XRCC4: variants seen among roughly 807,000 people sequenced by gnomAD.
The protein encoded by XRCC4 is X-ray repair cross complementing 4.
A neutral mutation model predicts 39.1 loss-of-function variants in XRCC4; 28 were observed. The observed-to-expected ratio is 0.72, with a 90% CI of 0.53 to 0.98. The LOEUF (loss-of-function observed/expected upper bound fraction) is 0.98. Ranked by LOEUF, XRCC4 falls within the 50% of genes least tolerant of loss-of-function variation. The probability of loss-of-function intolerance (pLI) is 0.00; values close to 1 mark genes in which losing one functional copy is unlikely to be tolerated. For missense variants in XRCC4, 350 were observed against 376.4 expected (o/e 0.93, Z 0.58); for synonymous variants, 123 against 126.4 (o/e 0.97, Z 0.18).
At chr5:83,142,813 A>G (rs770738213) in intron 3 of XRCC4, among the ~76,000 whole-genome samples, 8 of 152,226 alleles carry the variant, frequency 5.3e-5, no homozygotes, top group African/African-American at 9.7e-5. Flanking sequence ...TAAAATTATT[A>G]AGAGATCTCA....
At chr5:83,112,727 G>A (rs1012606938) in intron 3 of XRCC4, among the ~76,000 whole-genome samples, 4 of 152,074 alleles carry the variant, frequency 2.6e-5, no homozygotes, top group Non-Finnish European at 5.9e-5. Flanking sequence ...CATGGTGGCA[G>A]GCAAAAGAAC....
chr5:83,213,429 T>C lies in XRCC4; in HGVS notation c.745+8508T>C, dbSNP rs113502107. Among the ~76,000 whole-genome samples, 1,400 of 152,198 alleles carry C rather than the reference T, an allele frequency of 9.2e-3. 18 individuals carry two copies. The highest frequency in any genetic ancestry group is 0.032 in the African/African-American group (1,314 of 41,532). On this transcript the variant is annotated intron_variant, in intron 6 of 7. Coordinates refer to ENST00000396027, the MANE Select transcript of XRCC4 (RefSeq NM_003401.5). ...CAACACTGTGACATTGGGTTTATAA[T>C]ATAGATAGATACAATATACATGACA...
rs1053103971 is a variant in XRCC4, at chr5:83,217,450, G to A, written c.745+12529G>A. Among the ~76,000 whole-genome samples, 5 of 151,726 alleles carry A rather than the reference G, an allele frequency of 3.3e-5. No homozygotes were observed. In the South Asian group the frequency reaches 8.3e-4, roughly 25 times the overall value. ...GTCAAGAAAGCCAGAGTTCAAAAGT[G>A]CAAGTTTCATTCAAGAGTAAATTAA... On this transcript the variant is annotated intron_variant, in intron 6 of 7. Transcript: ENST00000396027.
At chr5:83,118,953 A>T (rs1294121852) in intron 3 of XRCC4, among the ~76,000 whole-genome samples, 10 of 152,218 alleles carry the variant, frequency 6.6e-5, no homozygotes, top group African/African-American at 2.2e-4. Flanking sequence ...TAAAGTAAGT[A>T]TCCTACTCTG....
intron 7 of XRCC4, among the ~76,000 whole-genome samples, chr5:83,325,091 G>T (rs1447438000): frequency 6.6e-6 from 1 of 151,942 alleles, no homozygotes; most frequent in African/African-American, 2.4e-5. Flanking sequence ...ATGAGCTTTT[G>T]CTAGTCAACA....
chr5:83,275,928 T>G (rs577751070), intron 7 of XRCC4, among the ~76,000 whole-genome samples: 2 of 152,314 alleles, frequency 1.3e-5, no homozygotes, highest in Non-Finnish European at 2.9e-5. Flanking sequence ...GAATAACTAT[T>G]TTGTTGATTA....
intron 3 of XRCC4, among the ~76,000 whole-genome samples, chr5:83,140,160 G>A (rs1044331404): frequency 2.0e-5 from 3 of 152,182 alleles, no homozygotes; most frequent in African/African-American, 4.8e-5. Flanking sequence ...AAGGAGAATT[G>A]ACTCATATGA....
At chr5:83,241,631 CAG>C (rs1384987922) in intron 6 of XRCC4, among the ~76,000 whole-genome samples, 1 of 152,088 alleles carries the variant, frequency 6.6e-6, no homozygotes, top group Non-Finnish European at 1.5e-5. Flanking sequence ...TTGTACAATG[CAG>C]AGTTTAGAGG....
intron 3 of XRCC4, among the ~76,000 whole-genome samples, chr5:83,179,945 G>T (rs1203210957): frequency 6.6e-6 from 1 of 152,126 alleles, no homozygotes; most frequent in Non-Finnish European, 1.5e-5. Flanking sequence ...GAATTAGAAG[G>T]CAAGGTCATC....
Position 83,128,070 on chromosome 5 carries a change from C to T in XRCC4, c.315+16867C>T, listed in dbSNP as rs2112467744. ...ACATGTGCCATGTTGCTGTGCTGCA[C>T]CCATTAACTCCTCATTTACATTAGG... On this transcript the variant is annotated intron_variant, in intron 3 of 7. Coordinates refer to ENST00000396027, the MANE Select transcript of XRCC4 (RefSeq NM_003401.5). 2.0e-5 allele frequency among the ~76,000 whole-genome samples: 3 copies of T among 152,028 alleles called. No individual in the cohort carries two copies. The South Asian group carries it at 6.2e-4, about 32-fold the overall frequency.
intron 7 of XRCC4, among the ~76,000 whole-genome samples, chr5:83,309,808 G>T (rs976658221): frequency 4.0e-5 from 6 of 148,858 alleles, no homozygotes; most frequent in Non-Finnish European, 5.9e-5. Flanking sequence ...GAACAAAAGG[G>T]ATTTTTAAAA....
chr5:83,255,242 T>A (rs1362132947), intron 6 of XRCC4, among the ~76,000 whole-genome samples: 1 of 152,188 alleles, frequency 6.6e-6, no homozygotes, highest in Admixed American at 6.5e-5. Context: ...TATTGAAGGC[T>A]AGATAGATAA....
intron 3 of XRCC4, among the ~76,000 whole-genome samples, chr5:83,137,795 A>G (rs185398920): frequency 6.6e-6 from 1 of 152,216 alleles, no homozygotes; most frequent in East Asian, 1.9e-4. Flanking sequence ...CTTGTAACAG[A>G]TCCTTTAAAA....
chr5:83,187,637 G>T (rs1219993307), intron 3 of XRCC4, among the ~76,000 whole-genome samples: 1 of 152,184 alleles, frequency 6.6e-6, no homozygotes, highest in Non-Finnish European at 1.5e-5. Flanking sequence ...CTGTCCATTG[G>T]AGAGTATTTC....
chr5:83,196,404 A>G (rs928747990), intron 4 of XRCC4, among the ~76,000 whole-genome samples: 3 of 152,100 alleles, frequency 2.0e-5, no homozygotes, highest in Non-Finnish European at 4.4e-5. Context: ...AATTCATACT[A>G]TACCATTTTT....
chr5:83,302,058 C>G (rs896007696), intron 7 of XRCC4, among the ~76,000 whole-genome samples: 1 of 152,092 alleles, frequency 6.6e-6, no homozygotes, highest in Admixed American at 6.5e-5. Flanking sequence ...TGCCCCTCCC[C>G]CTACTAAGCT....
At chr5:83,128,306 T>G (rs954514348) in intron 3 of XRCC4, among the ~76,000 whole-genome samples, 3 of 152,160 alleles carry the variant, frequency 2.0e-5, no homozygotes, top group African/African-American at 7.2e-5. Context: ...TATGAACTCA[T>G]CCTTTTTAAT....
chr5:83,257,084 T>C lies in XRCC4; in HGVS notation c.746-1446T>C, dbSNP rs532336072. ...GTTCAACAGTGTCCAAGTTGTCTCG[T>C]AGAGATCAAGTAAAGCATGAACTAC... On this transcript the variant is annotated intron_variant, in intron 6 of 7. Coordinates refer to ENST00000396027, the MANE Select transcript of XRCC4 (RefSeq NM_003401.5). Among the ~76,000 whole-genome samples the C allele has an allele frequency of 5.3e-5, 8 of 152,192 alleles. No individual in the cohort carries two copies. The South Asian group carries it at 6.2e-4, about 12-fold the overall frequency.
intron 7 of XRCC4, among the ~76,000 whole-genome samples, chr5:83,337,904 C>CCTT (rs918446990): frequency 5.1e-4 from 78 of 152,236 alleles, no homozygotes; most frequent in African/African-American, 1.9e-3. Context: ...AAGATGATGA[C>CCTT]CTTCTCTCCC....
Sources: gnomAD v4.1 joint callset for allele counts (sites outside exome capture counted in the v4.1 genomes callset) on GRCh38, gnomAD v4.1.1 for gene constraint, MANE v1.5 for transcripts, NCBI Gene and HGNC (gene_info 2026-07-23, HGNC 2026-07-21) for gene names.